Variants in NUP160 observed in about 807,000 individuals in gnomAD.
NUP160 encodes the protein nucleoporin 160.
NUP160 carries 94 observed loss-of-function variants against 196.9 expected under a neutral mutation model. The observed-to-expected ratio is 0.48, with a 90% confidence interval of 0.40 to 0.57. The LOEUF is 0.57. Ranked by LOEUF, NUP160 falls within the 20% of genes least tolerant of loss-of-function variation. The pLI is 0.00. For missense variants in NUP160, 1,638 were observed against 1,748.3 expected (o/e 0.94, Z 1.13); for synonymous variants, 605 against 619.7 (o/e 0.98, Z 0.35).
chr11:47,808,502 G>GA lies in NUP160; in HGVS notation c.2268dup (p.Gln757SerfsTer21). 6.2e-7 allele frequency: 1 copy of GA among 1,614,032 alleles called. No homozygotes were observed. The highest frequency in any genetic ancestry group is 8.5e-7 in the Non-Finnish European group (1 of 1,179,968). ...CGATGTAGTAGGTCTTGCTGAGCTT[G>GA]AAAGAGCTGACCAGTTCCCCAAATC... On this transcript the variant is annotated frameshift_variant, in exon 18 of 36. Coordinates refer to ENST00000378460, the Ensembl canonical transcript of NUP160. LOFTEE classifies it high-confidence loss of function.
rs1455881703 is a variant in NUP160, at chr11:47,785,137, T to C, written c.3849-74A>G. On this transcript the variant is annotated intron_variant, in intron 32 of 35. Coordinates refer to ENST00000378460, the Ensembl canonical transcript of NUP160. ...TTTAGAGTACCATTCAAAGCATGTA[T>C]TTACAAGGAAAACTTTTTTTTCAGA... The C allele has an allele frequency of 8.5e-6, 6 of 706,252 alleles. 1 individual carries two copies. The highest frequency in any genetic ancestry group is 6.6e-5 in the Admixed American group (2 of 30,476). The allele number at this position is 706,252 out of a possible 1,614,324, so 43.7% of individuals were successfully genotyped here.
chr11:47,842,674 C>T (rs1041225547), intron 2 of NUP160, among the ~76,000 whole-genome samples: 16 of 152,128 alleles, frequency 1.1e-4, no homozygotes, highest in Non-Finnish European at 1.9e-4. Context: ...TCCCACACTA[C>T]TCTCACCATA....
intron 19 of NUP160, 69 bp from the exon 20 acceptor site, chr11:47,806,381 C>A: frequency 8.0e-7 from 1 of 1,256,576 alleles, no homozygotes; most frequent in Non-Finnish European, 1.1e-6. Context: ...AATAGTCTAT[C>A]AATTCATTTT....
chr11:47,803,155 A>AATAATC (rs1475160249), intron 22 of NUP160, among the ~76,000 whole-genome samples: 2 of 147,248 alleles, frequency 1.4e-5, no homozygotes, highest in Non-Finnish European at 3.0e-5. Flanking sequence ...TAATAATAAT[A>AATAATC]ATAATAATAA....
In NUP160 at chr11:47,812,074, A is replaced by G. The variant is rs750271920; in HGVS notation, c.2231T>C (p.Leu744Pro). 2.5e-6 allele frequency: 4 copies of G among 1,614,000 alleles called. No individual in the cohort carries two copies. In the Admixed American group the frequency reaches 6.7e-5, roughly 27 times the overall value. Residue 744 changes from leucine to proline, a missense_variant, in exon 17 of 36, where the codon CTT (leucine) becomes CCT (proline). Physicochemically the swap from Leu to Pro is moderately conservative, Grantham distance 98 (BLOSUM62 -3). Transcript: ENST00000378460. The stretch of plus-strand genomic sequence containing the variant: ...TCAAGCAGTACTTACAGCATCTCCA[A>G]GCCTCATTAACAGCTGCTGTAAGAT...
exon 36 of NUP160, chr11:47,778,897 G>C (rs1040951605): frequency 4.3e-6 from 2 of 469,118 alleles, no homozygotes; most frequent in Admixed American, 7.7e-5. Context: ...TTGAGACCAA[G>C]GTTGAACACC....
exon 24 of NUP160, chr11:47,798,414 A>C: frequency 6.2e-7 from 1 of 1,612,270 alleles, no homozygotes; most frequent in South Asian, 1.1e-5. Context: ...TGATGTAGCC[A>C]ACTGAATAAC....
chr11:47,786,196 A>G (rs2097664410), intron 32 of NUP160, among the ~76,000 whole-genome samples: 1 of 152,190 alleles, frequency 6.6e-6, no homozygotes. Context: ...CTGTAAGAGT[A>G]CCCTTTCCTG....
Position 47,835,821 on chromosome 11 carries a change from A to G in NUP160, c.943-12T>C. 1 of 1,558,148 alleles carries G rather than the reference A, an allele frequency of 6.4e-7. No homozygotes were observed. Among genetic ancestry groups the G allele is most frequent in the South Asian group, 1.2e-5 (1 of 80,358 alleles). ...AGGCACATTTGCTCCTGTCCAAGAA[A>G]ATAGTTAATAGGTGATATTCAAGGG... On this transcript the variant is annotated splice_polypyrimidine_tract_variant and intron_variant, in intron 6 of 35. Transcript: ENST00000378460.
chr11:47,848,528 C>CT (rs1852456026), upstream of NUP160: 2 of 891,504 alleles, frequency 2.2e-6, no homozygotes, highest in South Asian at 1.8e-5. Context: ...GAGGCAGACT[C>CT]TATCTGCGGG....
At chr11:47,808,313 T>G (rs2097678964) in intron 18 of NUP160, 83 bp downstream of exon 18, 1 of 1,351,476 alleles carries the variant, frequency 7.4e-7, no homozygotes, top group Non-Finnish European at 1.0e-6. Flanking sequence ...AACAAAACAC[T>G]AAAACTTTTT....
In NUP160 at chr11:47,791,918, C is replaced by A; in HGVS notation, c.3511+12G>T. On this transcript the variant is annotated intron_variant, in intron 29 of 35. Transcript: ENST00000378460. ...TGTCTAGCAAAGAACCAGTGTGAGA[C>A]TCCTGACTCACTGGGGGCAGCTGTG... 6.3e-7 allele frequency: 1 copy of A among 1,593,914 alleles called. No individual in the cohort carries two copies. Among genetic ancestry groups the A allele is most frequent in the Non-Finnish European group, 8.6e-7 (1 of 1,162,870 alleles).
At chr11:47,848,079 C>T (rs1291834755) in intron 1 of NUP160, 120 bp from the exon 2 acceptor site, 2 of 1,269,144 alleles carry the variant, frequency 1.6e-6, no homozygotes, top group African/African-American at 1.5e-5. Context: ...AGGAAAACGT[C>T]GGACATCAAG....
chr11:47,814,917 G>C (rs1467555252), intron 13 of NUP160, among the ~76,000 whole-genome samples: 2 of 152,158 alleles, frequency 1.3e-5, no homozygotes, highest in Admixed American at 6.6e-5. Context: ...CTTACCTTAA[G>C]TTGGAAATTA....
chr11:47,792,978 C>T, intron 27 of NUP160, 32 bp from the exon 28 acceptor site: 1 of 1,582,156 alleles, frequency 6.3e-7, no homozygotes, highest in South Asian at 1.2e-5. Context: ...GACTTTAGAA[C>T]TTCCAAATTT....
intron 13 of NUP160, among the ~76,000 whole-genome samples, chr11:47,814,103 C>T (rs990306936): frequency 6.4e-5 from 9 of 141,596 alleles, no homozygotes; most frequent in Non-Finnish European, 1.4e-4. Flanking sequence ...AAGAGTGCCA[C>T]TGTACTGCAG....
chr11:47,779,926 C>A (rs2097659681), intron 35 of NUP160, among the ~76,000 whole-genome samples: 1 of 152,168 alleles, frequency 6.6e-6, no homozygotes, highest in Admixed American at 6.6e-5. Flanking sequence ...TGGAATTTCA[C>A]CATGTTGGCA....
Position 47,839,903 on chromosome 11 carries a change from C to T in NUP160, c.688G>A (p.Ala230Thr). The T allele has an allele frequency of 1.2e-6, 2 of 1,614,140 alleles. No homozygotes were observed. Among genetic ancestry groups the T allele is most frequent in the Non-Finnish European group, 1.7e-6 (2 of 1,180,024 alleles). ...ATTCCCCCAGAAGCACATGGTAAGG[C>T]AAACAGGGCCTCCCCATCACTGCTG... The change falls in exon 4 of 36, where the codon GCC (alanine) becomes ACC (threonine). Residue 230 changes from alanine to threonine, a missense_variant. Ala to Thr is a moderately conservative substitution (Grantham distance 58). Transcript: ENST00000378460.
chr11:47,781,096 A>G (rs2097660509), intron 34 of NUP160, among the ~76,000 whole-genome samples: 2 of 151,854 alleles, frequency 1.3e-5, no homozygotes, highest in South Asian at 4.1e-4. Context: ...GTGGTGGCAC[A>G]GATGTAGTCC....
Sources: allele counts gnomAD v4.1 joint callset (sites outside exome capture counted in the v4.1 genomes callset), GRCh38; gene constraint gnomAD v4.1.1; transcripts MANE v1.5; gene names NCBI Gene and HGNC (gene_info 2026-07-23, HGNC 2026-07-21).